The following VEZF1 variants were observed in gnomAD, a reference collection of about 807,000 sequenced individuals.
VEZF1 encodes putative transcription factor DB1.
A neutral mutation model predicts 44.1 loss-of-function variants in VEZF1; 5 were observed. That is an observed-to-expected ratio of 0.11 (90% CI 0.06 to 0.24). VEZF1 has a LOEUF of 0.24. Ranked by LOEUF, VEZF1 falls within the 10% of genes least tolerant of loss-of-function variation. The pLI is 1.00. For synonymous variants in VEZF1, 236 were observed against 233.1 expected (o/e 1.01, Z -0.11); for missense variants, 358 against 641.8 (o/e 0.56, Z 4.78).
intron 5 of VEZF1, among the ~76,000 whole-genome samples, chr17:57,978,475 G>GT (rs2075213749): frequency 6.6e-6 from 1 of 151,998 alleles, no homozygotes; most frequent in Non-Finnish European, 1.5e-5. Flanking sequence ...AGCTGTACTA[G>GT]TAAGTTGAAA....
intron 1 of VEZF1, among the ~76,000 whole-genome samples, chr17:57,987,521 G>A (rs2075308601): frequency 6.6e-6 from 1 of 152,156 alleles, no homozygotes; most frequent in African/African-American, 2.4e-5. Flanking sequence ...GGGGATACCC[G>A]CTATTCGCGG....
At chr17:57,980,109 T>G (rs2075234938) in intron 4 of VEZF1, among the ~76,000 whole-genome samples, 1 of 152,170 alleles carries the variant, frequency 6.6e-6, no homozygotes, top group Non-Finnish European at 1.5e-5. Flanking sequence ...TAACACACAT[T>G]AAGCTTTCTT....
rs1044542466 is a variant in VEZF1 at position 57,979,313 on chromosome 17, G to A, written c.977C>T (p.Thr326Ile). Residue 326 changes from threonine (T) to isoleucine (I), a missense_variant and splice_region_variant, in exon 5 of 6, where the codon ACA becomes ATA. By Grantham distance (89) the Thr-to-Ile change is moderately conservative. Around this residue, in one of 4 missense-constraint regions of VEZF1, gnomAD observed 171 missense variants for 272.4 expected, o/e 0.63. Transcript: ENST00000581208. ...GTTACTGGTCTCTTCACTCATGCAT[G>A]CTATTACAAAGACAAACCAAAAACA... Reference protein sequence around the residue: ...CNTCKQGISKTCMSEETSNQK... With the variant: ...CNTCKQGISKICMSEETSNQK... 10 of 1,613,462 alleles carry A rather than the reference G, an allele frequency of 6.2e-6. No homozygotes were observed. Among genetic ancestry groups the A allele is most frequent in the Non-Finnish European group, 8.5e-6 (10 of 1,179,932 alleles).
chr17:57,986,676 T>C lies in VEZF1; in HGVS notation c.33+1403A>G, dbSNP rs765034258. Among the ~76,000 whole-genome samples the C allele has an allele frequency of 7.9e-5, 12 of 152,264 alleles. No homozygotes were observed. The Middle Eastern group carries it at 0.01, about 129-fold the overall frequency. The stretch of plus-strand genomic sequence containing the variant: ...CAAATTGCCCACATTTGAAAAAATA[T>C]GTCTTAAAACAACAGGCCAGTCTAC... On this transcript the variant is annotated intron_variant, in intron 1 of 5. Coordinates refer to ENST00000581208, the MANE Select transcript of VEZF1 (RefSeq NM_007146.3).
At chr17:57,982,071 C>G (rs1466135378) in intron 2 of VEZF1, 135 bp from the exon 3 acceptor site, 1 of 828,644 alleles carries the variant, frequency 1.2e-6, no homozygotes, top group Non-Finnish European at 1.9e-6. Flanking sequence ...AACCTCCCTC[C>G]CCCGGTGCAA....
At chr17:57,981,263 T>C (rs2075247517) in intron 3 of VEZF1, among the ~76,000 whole-genome samples, 1 of 152,214 alleles carries the variant, frequency 6.6e-6, no homozygotes, top group Admixed American at 6.5e-5. Flanking sequence ...CTTAATAAAA[T>C]CAGTCATTAA....
At chr17:57,986,627 A>G (rs991454503) in intron 1 of VEZF1, among the ~76,000 whole-genome samples, 2 of 152,236 alleles carry the variant, frequency 1.3e-5, no homozygotes, top group Non-Finnish European at 2.9e-5. Flanking sequence ...AAGCCCAAAT[A>G]TATTTCCATA....
chr17:57,979,979 A>C (rs1411561303), intron 4 of VEZF1, among the ~76,000 whole-genome samples: 1 of 151,424 alleles, frequency 6.6e-6, no homozygotes, highest in African/African-American at 2.4e-5. Context: ...TCAAAAAAAA[A>C]AAAAAAAAAA....
rs1598045926 is a variant in VEZF1, at chr17:57,979,435, G to A, written c.977-122C>T. ...TTTAACCTGATAGCTCTTAGTAAGT[G>A]CATCTTTTTTGCTGCTGTGTCTATA... On this transcript the variant is annotated intron_variant, in intron 4 of 5. Coordinates refer to ENST00000581208, the MANE Select transcript of VEZF1 (RefSeq NM_007146.3). 2.8e-6 allele frequency: 4 copies of A among 1,434,366 alleles called. No homozygotes were observed. The South Asian group carries it at 4.4e-5, about 16-fold the overall frequency. 88.9% of individuals were successfully genotyped at this position (1,434,366 alleles called of 1,614,324 possible). A position where few individuals can be genotyped will look rare whatever the true frequency, so the allele number is the denominator to read the frequency against.
chr17:57,974,712 C>T lies in VEZF1; in HGVS notation c.1327G>A (p.Gly443Arg). ...AVNITSPMNI[G>R]HPVTITSPLS... is the part of the protein sequence containing the mutation. ...GGACTGGTTATAGTTACAGGATGCC[C>T]TATGTTCATTGGGCTGGTTATGTTA... Residue 443 changes from glycine to arginine, a missense_variant, in exon 6 of 6, where the codon GGG (glycine) becomes AGG (arginine). Physicochemically the swap from Gly to Arg is moderately radical, Grantham distance 125. Transcript: ENST00000581208. 2 of 1,614,084 alleles carry T rather than the reference C, an allele frequency of 1.2e-6. No individual in the cohort carries two copies. The highest frequency in any genetic ancestry group is 2.2e-5 in the South Asian group (2 of 91,072).
chr17:57,981,648 G>A (rs997504870), intron 3 of VEZF1, among the ~76,000 whole-genome samples: 5 of 151,850 alleles, frequency 3.3e-5, no homozygotes, highest in South Asian at 4.2e-4. Flanking sequence ...CAAAGAAAGG[G>A]AAATATAGCT....
intron 4 of VEZF1, among the ~76,000 whole-genome samples, chr17:57,979,942 C>T (rs1461255960): frequency 6.8e-6 from 1 of 147,102 alleles, no homozygotes; most frequent in Non-Finnish European, 1.5e-5. Context: ...TGCACTTCAG[C>T]CTGGGCAACA....
Position 57,974,797 on chromosome 17 carries a change from G to A in VEZF1, c.1242C>T (p.Asn414=). The change falls in exon 6 of 6, where the codon AAC becomes AAT. Residue 414 remains asparagine, a synonymous_variant. Coordinates refer to ENST00000581208, the MANE Select transcript of VEZF1 (RefSeq NM_007146.3). The part of the protein sequence containing the change: ...TSSVSSGTMS[N]PVTVAAAMSM... Reference sequence around the variant, plus strand: ...TCATTGCAGCTGCCACTGTGACTGGGTTTGACATAGTCCCAGACGACACAG... The same window carrying A: ...TCATTGCAGCTGCCACTGTGACTGGATTTGACATAGTCCCAGACGACACAG... 1 of 1,614,156 alleles carries A rather than the reference G, an allele frequency of 6.2e-7. No homozygotes were observed. Among genetic ancestry groups the A allele is most frequent in the Non-Finnish European group, 8.5e-7 (1 of 1,180,028 alleles).
At chr17:57,976,123 C>T (rs1181362691) in intron 5 of VEZF1, among the ~76,000 whole-genome samples, 5 of 152,140 alleles carry the variant, frequency 3.3e-5, no homozygotes, top group Non-Finnish European at 7.3e-5. Flanking sequence ...CTCAAGGTGA[C>T]ATCCCCAACC....
At chr17:57,977,398 A>G (rs1439381961) in intron 5 of VEZF1, among the ~76,000 whole-genome samples, 1 of 152,154 alleles carries the variant, frequency 6.6e-6, no homozygotes, top group African/African-American at 2.4e-5. Context: ...AAGTGCTGGA[A>G]TTATAGGTGT....
chr17:57,982,026 A>G (rs1051774456), intron 2 of VEZF1, 90 bp from the exon 3 acceptor site: 1 of 1,408,932 alleles, frequency 7.1e-7, no homozygotes, highest in East Asian at 2.3e-5. Context: ...CAGATTGGGA[A>G]GGGGTGCATT....
intron 5 of VEZF1, among the ~76,000 whole-genome samples, chr17:57,977,708 G>A (rs1598044445): frequency 6.6e-6 from 1 of 152,204 alleles, no homozygotes; most frequent in South Asian, 2.1e-4. Context: ...GCTGGGCGCG[G>A]TGGCACATGC....
Position 57,981,941 on chromosome 17 carries a change from GAA to G in VEZF1, c.729-7_729-6del. The G allele has an allele frequency of 6.2e-7, 1 of 1,613,874 alleles. No individual in the cohort carries two copies. On this transcript the variant is annotated splice_polypyrimidine_tract_variant and splice_region_variant and intron_variant, in intron 2 of 5. Transcript: ENST00000581208. ...TGACAGCTTAAGTGGTCAGGCCTGT[GAA>G]AAAGAGAGTTTCAACAGAAGATATA...
intron 5 of VEZF1, among the ~76,000 whole-genome samples, 197 bp from the exon 6 acceptor site, chr17:57,975,097 C>T (rs939643955): frequency 2.6e-5 from 4 of 152,194 alleles, no homozygotes. Flanking sequence ...GTATGAATCA[C>T]CTTCTGATGC....
Sources: gnomAD v4.1 joint callset for allele counts (sites outside exome capture counted in the v4.1 genomes callset) on GRCh38, gnomAD v4.1.1 for gene constraint, gnomAD v4.1.1 regional missense constraint, MANE v1.5 for transcripts, NCBI Gene and HGNC (gene_info 2026-07-23, HGNC 2026-07-21) for gene names.